MMP26: variants seen among roughly 807,000 people sequenced by gnomAD.
MMP26 encodes matrix metalloproteinase-26.
A neutral mutation model predicts 31.0 loss-of-function variants in MMP26; 33 were observed. The observed-to-expected ratio is 1.06, with a 90% confidence interval of 0.81 to 1.42. The LOEUF is 1.42. MMP26 is among the 40% of genes most tolerant of loss of function. MMP26 has a pLI of 0.00. For missense variants in MMP26, 347 were observed against 316.1 expected (o/e 1.10, Z -0.74); for synonymous variants, 122 against 114.9 (o/e 1.06, Z -0.40).
At chr11:4,792,820 G>A (rs1849048008) in intron 2 of MMP26, among the ~76,000 whole-genome samples, 2 of 152,170 alleles carry the variant, frequency 1.3e-5, no homozygotes, top group South Asian at 4.1e-4. Context: ...AGAAGAAGGA[G>A]CGGGGATTAT....
intron 2 of MMP26, among the ~76,000 whole-genome samples, chr11:4,843,958 C>T (rs190805088): frequency 6.6e-6 from 1 of 151,850 alleles, no homozygotes; most frequent in Non-Finnish European, 1.5e-5. Context: ...ACAAAGAAAA[C>T]AACACAAATG....
chr11:4,740,135 T>A (rs1339343730), intron 1 of MMP26, among the ~76,000 whole-genome samples: 2 of 152,048 alleles, frequency 1.3e-5, no homozygotes, highest in Non-Finnish European at 2.9e-5. Context: ...ATCATTCAGT[T>A]TCCTGACATC....
chr11:4,835,837 CA>C (rs1453994081), intron 2 of MMP26, among the ~76,000 whole-genome samples: 1 of 152,116 alleles, frequency 6.6e-6, no homozygotes, highest in African/African-American at 2.4e-5. Flanking sequence ...ATCATGCATA[CA>C]AAGTTTAAAT....
At chr11:4,898,868 T>A (rs969052607) in intron 2 of MMP26, among the ~76,000 whole-genome samples, 5 of 138,814 alleles carry the variant, frequency 3.6e-5, no homozygotes, top group Non-Finnish European at 6.2e-5. Flanking sequence ...TGTGTGTGTG[T>A]GTGTGTGTTC....
chr11:4,824,198 A>G (rs1254129303), intron 2 of MMP26, among the ~76,000 whole-genome samples: 1 of 152,084 alleles, frequency 6.6e-6, no homozygotes, highest in African/African-American at 2.4e-5. Context: ...AAACAGGTTA[A>G]GGGATCATGA....
At chr11:4,843,270 G>T (rs1194321023) in intron 2 of MMP26, among the ~76,000 whole-genome samples, 1 of 152,176 alleles carries the variant, frequency 6.6e-6, no homozygotes, top group Non-Finnish European at 1.5e-5. Context: ...CTGTGTGGGG[G>T]CTCCAACCCT....
intron 1 of MMP26, among the ~76,000 whole-genome samples, chr11:4,753,451 G>A (rs1848471086): frequency 1.3e-5 from 2 of 151,934 alleles, no homozygotes; most frequent in Admixed American, 1.3e-4. Flanking sequence ...TCATCATTTT[G>A]ATTAAATTTT....
intron 1 of MMP26, among the ~76,000 whole-genome samples, chr11:4,739,138 C>T (rs1848280312): frequency 6.6e-6 from 1 of 152,192 alleles, no homozygotes; most frequent in Admixed American, 6.5e-5. Flanking sequence ...GAACTAGATA[C>T]ACAGAGGCCT....
chr11:4,935,304 T>C (rs1459330380), intron 2 of MMP26, among the ~76,000 whole-genome samples: 1 of 151,524 alleles, frequency 6.6e-6, no homozygotes, highest in East Asian at 1.9e-4. Context: ...CCCTTGTAAG[T>C]TGGATTCCTA....
At chr11:4,817,344 G>C (rs140935039) in intron 2 of MMP26, among the ~76,000 whole-genome samples, 2,211 of 152,262 alleles carry the variant, frequency 0.015, 38 homozygotes, top group Middle Eastern at 0.044. Context: ...AGCACTTTGG[G>C]AGGCAAAGGC....
intron 2 of MMP26, among the ~76,000 whole-genome samples, chr11:4,855,481 G>T (rs188773582): frequency 1.4e-3 from 218 of 152,196 alleles, no homozygotes; most frequent in Non-Finnish European, 2.3e-3. Context: ...AGTGATTGAA[G>T]ATCAAATCAA....
At chr11:4,768,602 A>G (rs1238883366) in intron 2 of MMP26, among the ~76,000 whole-genome samples, 1 of 152,210 alleles carries the variant, frequency 6.6e-6, no homozygotes, top group Admixed American at 6.5e-5. Context: ...CTAAATGTCT[A>G]TAAATCTGTT....
chr11:4,963,673 C>A (rs1410685323), intron 2 of MMP26, among the ~76,000 whole-genome samples: 1 of 152,116 alleles, frequency 6.6e-6, no homozygotes, highest in Non-Finnish European at 1.5e-5. Flanking sequence ...AAGCATGATA[C>A]AATTTGAAAG....
At chr11:4,877,394 A>G (rs561402244) in intron 2 of MMP26, 6 of 152,330 alleles carry the variant, frequency 3.9e-5, no homozygotes, top group Admixed American at 1.3e-4. Context: ...TTCATGGCCA[A>G]TATCTACCTG....
At chr11:4,943,406 G>T in intron 2 of MMP26, 1 of 451,136 alleles carries the variant, frequency 2.2e-6, no homozygotes, top group South Asian at 1.6e-5. Flanking sequence ...GCCCCTAGGT[G>T]CTGTGTAGGT....
chr11:4,809,808 G>A (rs932355545), intron 2 of MMP26, among the ~76,000 whole-genome samples: 5 of 152,226 alleles, frequency 3.3e-5, no homozygotes, highest in African/African-American at 9.6e-5. Flanking sequence ...ATTGAGTTAG[G>A]CCATTGCATT....
intron 2 of MMP26, among the ~76,000 whole-genome samples, chr11:4,873,907 G>A (rs765713510): frequency 2.0e-5 from 3 of 151,986 alleles, no homozygotes; most frequent in African/African-American, 2.4e-5. Context: ...TTTTTAAAGC[G>A]AATTTTCTTT....
chr11:4,936,468 T>C (rs1846114098), intron 2 of MMP26, among the ~76,000 whole-genome samples: 1 of 152,194 alleles, frequency 6.6e-6, no homozygotes. Context: ...TCTTGAAAGA[T>C]TGATATTTAA....
At chr11:4,945,012 T>C (rs995275152) in intron 2 of MMP26, 8 of 152,084 alleles carry the variant, frequency 5.3e-5, no homozygotes, top group African/African-American at 1.9e-4. Context: ...AGAAAATAGA[T>C]AGGTCTCTTC....
Sources: allele counts gnomAD v4.1 joint callset (sites outside exome capture counted in the v4.1 genomes callset), GRCh38; gene constraint gnomAD v4.1.1; transcripts MANE v1.5; gene names NCBI Gene and HGNC (gene_info 2026-07-23, HGNC 2026-07-21).